The following N4BP1 variants were observed in gnomAD, a reference collection of about 807,000 sequenced individuals.
N4BP1 encodes the protein NEDD4-binding protein 1.
A neutral mutation model predicts 70.9 loss-of-function variants in N4BP1; 21 were observed. The observed-to-expected ratio is 0.30, with a 90% CI of 0.21 to 0.43. The LOEUF is 0.43. N4BP1 is among the 20% of genes least tolerant of loss of function. The pLI is 1.00. For synonymous variants in N4BP1, 387 were observed against 394.6 expected (o/e 0.98, Z 0.23); for missense variants, 936 against 1,069.4 (o/e 0.88, Z 1.74).
intron 2 of N4BP1, among the ~76,000 whole-genome samples, chr16:48,555,046 A>C (rs867646258): frequency 2.6e-5 from 4 of 152,026 alleles, no homozygotes; most frequent in African/African-American, 9.7e-5. Context: ...GCCTTTCCTT[A>C]TGTTGCTTTC....
chr16:48,600,358 A>G (rs1804382497), intron 1 of N4BP1: 5 of 776,578 alleles, frequency 6.4e-6, no homozygotes, highest in African/African-American at 5.1e-5. Flanking sequence ...CTTACACTGG[A>G]TAATTCATTT....
chr16:48,591,747 G>T (rs980498783), intron 1 of N4BP1, among the ~76,000 whole-genome samples: 7 of 146,172 alleles, frequency 4.8e-5, no homozygotes, highest in African/African-American at 1.5e-4. Flanking sequence ...CCACATGAGA[G>T]AACTTAAGAT....
intron 1 of N4BP1, among the ~76,000 whole-genome samples, chr16:48,607,815 C>T (rs1964607336): frequency 6.6e-6 from 1 of 152,160 alleles, no homozygotes; most frequent in Non-Finnish European, 1.5e-5. Flanking sequence ...AAAGTTAAGC[C>T]CAGGAAAGCA....
At chr16:48,571,238 T>C (rs1964016472) in intron 1 of N4BP1, among the ~76,000 whole-genome samples, 1 of 152,306 alleles carries the variant, frequency 6.6e-6, no homozygotes, top group Middle Eastern at 3.4e-3. Flanking sequence ...TAAGGAAAAG[T>C]TGATCATATC....
chr16:48,543,143 C>T lies in N4BP1; in HGVS notation c.2452G>A (p.Ala818Thr). 1 of 1,605,328 alleles carries T rather than the reference C, an allele frequency of 6.2e-7. No individual in the cohort carries two copies. Among genetic ancestry groups the T allele is most frequent in the Non-Finnish European group, 8.5e-7 (1 of 1,173,140 alleles). ...SHQPPTRIQGAPSSHWLPQQP... is the reference protein window; with the variant it reads ...SHQPPTRIQGTPSSHWLPQQP... ...TGAGGGAGCCAGTGGCTTGAAGGGG[C>T]TCCCTGAATCCGGGTCGGAGGCTGG... The change falls in exon 7 of 7, where the codon GCC becomes ACC. Residue 818 changes from alanine (A) to threonine (T), a missense_variant. Physicochemically the swap from Ala to Thr is moderately conservative, Grantham distance 58. Coordinates refer to ENST00000262384, the MANE Select transcript of N4BP1 (RefSeq NM_153029.4).
intron 1 of N4BP1, among the ~76,000 whole-genome samples, chr16:48,570,768 AC>A (rs1964006939): frequency 6.6e-6 from 1 of 152,178 alleles, no homozygotes; most frequent in African/African-American, 2.4e-5. Context: ...AGTAGGACTG[AC>A]AGGGTGGAGT....
chr16:48,603,582 A>ACTAG (rs1435262919), intron 1 of N4BP1: 1 of 152,128 alleles, frequency 6.6e-6, no homozygotes, highest in Non-Finnish European at 1.5e-5. Context: ...CCAGCATAGC[A>ACTAG]CTAGCTCCAG....
rs1963853131 is a variant in N4BP1 at position 48,561,361 on chromosome 16, T to C, written c.1282A>G (p.Lys428Glu). The C allele has an allele frequency of 1.9e-6, 3 of 1,613,986 alleles. No individual in the cohort carries two copies. Among genetic ancestry groups the C allele is most frequent in the Non-Finnish European group, 2.5e-6 (3 of 1,179,886 alleles). The change falls in exon 2 of 7, where the codon AAG (lysine) becomes GAG (glutamate). Residue 428 changes from lysine (K) to glutamate (E), a missense_variant. Coordinates refer to ENST00000262384, the MANE Select transcript of N4BP1 (RefSeq NM_153029.4). Reference protein sequence around the residue: ...TNELTTDSTPKKTQAHTQQNM... With the variant: ...TNELTTDSTPEKTQAHTQQNM... ...TGCTGTGTGTGAGCCTGTGTTTTCT[T>C]TGGAGTGGAATCAGTTGTAAGCTCA...
intron 1 of N4BP1, among the ~76,000 whole-genome samples, chr16:48,591,168 C>T (rs1458397421): frequency 6.6e-6 from 1 of 152,158 alleles, no homozygotes; most frequent in African/African-American, 2.4e-5. Context: ...GCAATAGAAC[C>T]TGCTGAATGT....
At chr16:48,556,917 G>C (rs1963762354) in intron 2 of N4BP1, among the ~76,000 whole-genome samples, 1 of 152,172 alleles carries the variant, frequency 6.6e-6, no homozygotes, top group South Asian at 2.1e-4. Flanking sequence ...ATATGTCAGG[G>C]GCTCTCATGC....
Position 48,543,497 on chromosome 16 carries a change from G to A in N4BP1, c.2334-236C>T, listed in dbSNP as rs116580382. ...CAGGGAATCAATGCGCTCTATGAGG[G>A]AGCACCACCCTCCCAGGTCTTCTGC... On this transcript the variant is annotated intron_variant, in intron 6 of 6. Transcript: ENST00000262384. 8.1e-3 allele frequency among the ~76,000 whole-genome samples: 1,239 copies of A among 152,206 alleles called. 12 individuals carry two copies. Among genetic ancestry groups the A allele is most frequent in the African/African-American group, 0.028 (1,145 of 41,536 alleles).
chr16:48,553,764 A>C, intron 2 of N4BP1, 95 bp from the exon 3 acceptor site: 3 of 1,032,790 alleles, frequency 2.9e-6, no homozygotes, highest in Non-Finnish European at 4.0e-6. Flanking sequence ...CATACAACAA[A>C]CAGTAAGAAC....
At chr16:48,544,419 G>C (rs1247311022) in intron 6 of N4BP1, among the ~76,000 whole-genome samples, 1 of 152,204 alleles carries the variant, frequency 6.6e-6, no homozygotes, top group Non-Finnish European at 1.5e-5. Context: ...AAAATGCTGA[G>C]AGAGCTGTGT....
Position 48,542,791 on chromosome 16 carries a change from G to A in N4BP1, c.*113C>T, listed in dbSNP as rs765563693. On this transcript the variant is annotated 3_prime_UTR_variant, in exon 7 of 7. Coordinates refer to ENST00000262384, the MANE Select transcript of N4BP1 (RefSeq NM_153029.4). ...AAACATTTTTTTTCTGTACAACTGC[G>A]TTTACACTGGGAAATAAGTTTCTTC... The A allele has an allele frequency of 1.9e-5, 19 of 1,008,308 alleles. 1 individual carries two copies. Among genetic ancestry groups the A allele is most frequent in the Admixed American group, 9.3e-5 (3 of 32,320 alleles). 62.5% of individuals were successfully genotyped at this position (1,008,308 alleles called of 1,614,324 possible).
rs549878800 is a variant in N4BP1 at position 48,583,005 on chromosome 16, G to C, written c.199-20561C>G. ...GGAAGCTGAGGTGGGGGAACTGCTT[G>C]AGCCCAGTAATTTGAGGCTGCAGTT... On this transcript the variant is annotated intron_variant, in intron 1 of 6. Transcript: ENST00000262384. Among the ~76,000 whole-genome samples the C allele has an allele frequency of 1.2e-4, 18 of 152,280 alleles. No individual in the cohort carries two copies. In the East Asian group the frequency reaches 2.7e-3, roughly 23 times the overall value.
Position 48,553,632 on chromosome 16 carries a change from C to T in N4BP1, c.1927G>A (p.Ala643Thr), listed in dbSNP as rs769139262. 6.2e-7 allele frequency: 1 copy of T among 1,600,714 alleles called. No individual in the cohort carries two copies. The highest frequency in any genetic ancestry group is 8.5e-7 in the Non-Finnish European group (1 of 1,174,196). Residue 643 changes from alanine to threonine, a missense_variant, in exon 3 of 7, where the codon GCA becomes ACA. Ala to Thr is a moderately conservative substitution (Grantham distance 58, BLOSUM62 0). Transcript: ENST00000262384. ...LKKFFSCRGI[A>T]IAVEYFWKLG... ...TTCCAAAAATATTCAACTGCAATTGCAATTCCACGACAAGAAAAGAACTTT... is the reference window on the plus strand; with the variant it reads ...TTCCAAAAATATTCAACTGCAATTGTAATTCCACGACAAGAAAAGAACTTT...
At chr16:48,545,463 A>G (rs2151084593) in intron 6 of N4BP1, among the ~76,000 whole-genome samples, 1 of 151,180 alleles carries the variant, frequency 6.6e-6, no homozygotes, top group East Asian at 2.0e-4. Context: ...CTGTAATCCC[A>G]GCTACTTGGG....
chr16:48,597,004 C>A (rs1039330705), intron 1 of N4BP1, among the ~76,000 whole-genome samples: 2 of 152,176 alleles, frequency 1.3e-5, no homozygotes, highest in Non-Finnish European at 2.9e-5. Context: ...CACCCAGGAA[C>A]AGAAGACAAC....
chr16:48,549,699 G>C (rs1053786077), intron 4 of N4BP1, among the ~76,000 whole-genome samples: 1 of 152,182 alleles, frequency 6.6e-6, no homozygotes, highest in Non-Finnish European at 1.5e-5. Context: ...CCTGGTGCAG[G>C]GCAAGGGACT....
Sources: gnomAD v4.1 joint callset for allele counts (sites outside exome capture counted in the v4.1 genomes callset) on GRCh38, gnomAD v4.1.1 for gene constraint, MANE v1.5 for transcripts, NCBI Gene and HGNC (gene_info 2026-07-23, HGNC 2026-07-21) for gene names.